RABGAP1L: variants seen among roughly 807,000 people sequenced by gnomAD.
RABGAP1L encodes rab GTPase-activating protein 1-like.
RABGAP1L carries 63 observed loss-of-function variants against 137.7 expected under a neutral mutation model. The observed-to-expected ratio is 0.46, with a 90% CI of 0.37 to 0.56. RABGAP1L has a LOEUF of 0.56. Ranked by LOEUF, RABGAP1L falls within the 20% of genes least tolerant of loss-of-function variation. RABGAP1L has a pLI of 0.00. For synonymous variants in RABGAP1L, 431 were observed against 433.7 expected (o/e 0.99, Z 0.08); for missense variants, 1,095 against 1,244.0 (o/e 0.88, Z 1.80).
chr1:174,615,818 A>T (rs1197631219), intron 13 of RABGAP1L, among the ~76,000 whole-genome samples: 1 of 152,184 alleles, frequency 6.6e-6, no homozygotes, highest in Admixed American at 6.5e-5. Context: ...GCCGCCTTGC[A>T]GTTTGATCTC....
At chr1:174,497,908 G>A (rs1272562202) in intron 13 of RABGAP1L, among the ~76,000 whole-genome samples, 4 of 144,194 alleles carry the variant, frequency 2.8e-5, no homozygotes, top group African/African-American at 1.2e-4. Context: ...AGCTCTGACA[G>A]TGACTGTCTT....
At chr1:174,763,650 C>CA (rs1165876748) in intron 18 of RABGAP1L, among the ~76,000 whole-genome samples, 565 of 13,120 alleles carry the variant, frequency 0.043, 217 homozygotes, top group Non-Finnish European at 0.07. Context: ...GACTCCGTCT[C>CA]AAAAAAAAAA....
intron 18 of RABGAP1L, among the ~76,000 whole-genome samples, chr1:174,790,813 G>T (rs1195096864): frequency 1.3e-5 from 2 of 151,622 alleles, no homozygotes; most frequent in South Asian, 4.2e-4. Context: ...ATGTGTTTAT[G>T]TATGGTGGGA....
chr1:174,836,625 T>C (rs946808473), intron 19 of RABGAP1L, among the ~76,000 whole-genome samples: 3 of 152,362 alleles, frequency 2.0e-5, no homozygotes, highest in Admixed American at 6.5e-5. Context: ...GTGTGACATA[T>C]CTCTGATAGG....
intron 1 of RABGAP1L, among the ~76,000 whole-genome samples, chr1:174,213,547 C>A (rs1669062192): frequency 6.6e-6 from 1 of 152,178 alleles, no homozygotes; most frequent in South Asian, 2.1e-4. Context: ...AGGCTAATAT[C>A]TCTGATGAAT....
chr1:174,811,679 T>C (rs1255558329), intron 18 of RABGAP1L, among the ~76,000 whole-genome samples, 153 bp from the exon 19 acceptor site: 1 of 152,226 alleles, frequency 6.6e-6, no homozygotes, highest in African/African-American at 2.4e-5. Flanking sequence ...CATCTAAATA[T>C]TGAAATGTTA....
At chr1:174,423,777 C>T (rs1457552565) in intron 13 of RABGAP1L, among the ~76,000 whole-genome samples, 1 of 152,076 alleles carries the variant, frequency 6.6e-6, no homozygotes, top group Non-Finnish European at 1.5e-5. Context: ...TATATTCTAT[C>T]TTCTGCCAAA....
In RABGAP1L at chr1:174,195,630, T is replaced by C. The variant is rs191882808; in HGVS notation, c.-33-23495T>C. On this transcript the variant is annotated intron_variant, in intron 1 of 25. Coordinates refer to ENST00000681986, the MANE Select transcript of RABGAP1L (RefSeq NM_001366446.1). ...CTTTCTTTCTTTCTTCCTTCCTTCC[T>C]TCCTTCCTTCCTTCCTTCCTTCCTT... 3.4e-3 allele frequency among the ~76,000 whole-genome samples: 290 copies of C among 85,178 alleles called. 2 individuals are homozygous for C. Among genetic ancestry groups the C allele is most frequent in the South Asian group, 0.01 (24 of 2,374 alleles). The allele number at this position is 85,178 out of a possible 152,430, so 55.9% of individuals were successfully genotyped here.
At chr1:174,297,374 G>A (rs1376165375) in intron 10 of RABGAP1L, among the ~76,000 whole-genome samples, 4 of 152,110 alleles carry the variant, frequency 2.6e-5, no homozygotes, top group African/African-American at 9.7e-5. Flanking sequence ...AGGGACTCTC[G>A]CTAGGCCAGA....
chr1:174,485,030 T>C (rs531994475), intron 13 of RABGAP1L, among the ~76,000 whole-genome samples: 1 of 152,334 alleles, frequency 6.6e-6, no homozygotes, highest in Admixed American at 6.5e-5. Context: ...CTTTAATTTC[T>C]TTCAAAAGTG....
intron 13 of RABGAP1L, among the ~76,000 whole-genome samples, chr1:174,493,245 C>G (rs1435369082): frequency 6.7e-6 from 1 of 150,018 alleles, no homozygotes; most frequent in Non-Finnish European, 1.5e-5. Context: ...GCCTGTAGTC[C>G]TAGCTACTTG....
rs561064998 is a variant in RABGAP1L, at chr1:174,892,464, TTTTTCACCTTCCAGCTTC to T, written c.2341-64987_2341-64970del. On this transcript the variant is annotated intron_variant, in intron 19 of 25. Coordinates refer to ENST00000681986, the MANE Select transcript of RABGAP1L (RefSeq NM_001366446.1). ...GTTCATCAGCGTTATTTGTGCCAGC[TTTTTCACCTTCCAGCTTC>T]TTTTCTACTTTGTAAGTTACTGGTT... 1.0e-3 allele frequency: 452 copies of T among 451,006 alleles called. 2 individuals carry two copies. The highest frequency in any genetic ancestry group is 1.6e-3 in the Non-Finnish European group (363 of 230,270). The allele number at this position is 451,006 out of a possible 1,614,324, so 27.9% of individuals were successfully genotyped here. A position where few individuals can be genotyped will look rare whatever the true frequency, so the allele number is the denominator to read the frequency against.
intron 17 of RABGAP1L, among the ~76,000 whole-genome samples, chr1:174,736,438 C>T (rs968483970): frequency 2.0e-5 from 3 of 152,120 alleles, no homozygotes; most frequent in African/African-American, 4.8e-5. Context: ...TTGCAGGGTA[C>T]AGCCCACATG....
At position 174,270,166 on chromosome 1, in the gene RABGAP1L, C is replaced by G. The variant is rs74398249; in HGVS notation, c.987-2248C>G. Among the ~76,000 whole-genome samples the G allele has an allele frequency of 1.7e-3, 256 of 150,126 alleles. 3 individuals carry two copies. The East Asian group carries it at 0.046, about 27-fold the overall frequency. ...AGAGTCCCAGGGGGTTAGGTGCTTT[C>G]TCTAAGGTCATGCTGGTTGGTGGCA... On this transcript the variant is annotated intron_variant, in intron 7 of 25. Coordinates refer to ENST00000681986, the MANE Select transcript of RABGAP1L (RefSeq NM_001366446.1).
At chr1:174,869,791 T>C (rs960250645) in intron 19 of RABGAP1L, among the ~76,000 whole-genome samples, 2 of 151,810 alleles carry the variant, frequency 1.3e-5, no homozygotes, top group Admixed American at 1.3e-4. Flanking sequence ...TTAGTGCCCT[T>C]ATAAAAAAAA....
At chr1:174,613,168 T>C (rs1671437866) in intron 13 of RABGAP1L, among the ~76,000 whole-genome samples, 1 of 150,990 alleles carries the variant, frequency 6.6e-6, no homozygotes, top group Non-Finnish European at 1.5e-5. Context: ...ATTTTGGATC[T>C]TTCCTGCTTT....
chr1:174,477,883 A>T (rs1488730799), intron 13 of RABGAP1L, among the ~76,000 whole-genome samples: 1 of 152,060 alleles, frequency 6.6e-6, no homozygotes, highest in East Asian at 1.9e-4. Context: ...TCATTTAGAG[A>T]TTTTTTTCAA....
At chr1:174,633,479 G>A (rs1347885588) in intron 13 of RABGAP1L, among the ~76,000 whole-genome samples, 45 of 151,270 alleles carry the variant, frequency 3.0e-4, no homozygotes, top group Admixed American at 6.6e-4. Context: ...TATAGATTCA[G>A]TGCCATCCCC....
chr1:174,672,489 C>T (rs908877959), intron 14 of RABGAP1L, among the ~76,000 whole-genome samples: 1 of 151,430 alleles, frequency 6.6e-6, no homozygotes, highest in Non-Finnish European at 1.5e-5. Flanking sequence ...TCTTTATTTT[C>T]TTTCTTCTGC....
Sources: gnomAD v4.1 joint callset for allele counts (sites outside exome capture counted in the v4.1 genomes callset) on GRCh38, gnomAD v4.1.1 for gene constraint, MANE v1.5 for transcripts, NCBI Gene and HGNC (gene_info 2026-07-23, HGNC 2026-07-21) for gene names.